The following SCEL variants were observed in gnomAD, a reference collection of about 807,000 sequenced individuals.
The protein encoded by SCEL is sciellin.
SCEL carries 113 observed loss-of-function variants against 117.6 expected under a neutral mutation model. The observed-to-expected ratio is 0.96, with a 90% CI of 0.83 to 1.12. SCEL has a LOEUF of 1.12. Ranked by LOEUF, SCEL falls within the 50% of genes most tolerant of loss-of-function variation. SCEL has a pLI of 0.00. For missense variants in SCEL, 785 were observed against 810.8 expected (o/e 0.97, Z 0.39); for synonymous variants, 270 against 256.2 (o/e 1.05, Z -0.51).
At chr13:77,587,880 G>A (rs2086651966) in intron 9 of SCEL, among the ~76,000 whole-genome samples, 1 of 151,988 alleles carries the variant, frequency 6.6e-6, no homozygotes, top group African/African-American at 2.4e-5. Flanking sequence ...CCAGTTTAAA[G>A]CATTAAATAC....
At chr13:77,616,455 G>T (rs907387771) in intron 24 of SCEL, among the ~76,000 whole-genome samples, 3 of 151,894 alleles carry the variant, frequency 2.0e-5, no homozygotes, top group Admixed American at 6.6e-5. Flanking sequence ...TTATGTTGTG[G>T]ATAGTTTTAA....
At chr13:77,609,242 C>T (rs2088461534) in intron 21 of SCEL, 125 bp downstream of exon 21, 6 of 733,968 alleles carry the variant, frequency 8.2e-6, no homozygotes, top group Non-Finnish European at 1.3e-5. Context: ...TGTAACCCTG[C>T]TACCTCACAT....
chr13:77,596,688 G>A (rs1471012599), intron 12 of SCEL, among the ~76,000 whole-genome samples: 6 of 145,364 alleles, frequency 4.1e-5, no homozygotes, highest in African/African-American at 1.5e-4. Flanking sequence ...GGTGGGGCAA[G>A]GTGTGTGTGT....
In SCEL at chr13:77,610,033, T is replaced by G. The variant is rs1467598938; in HGVS notation, c.1278-14T>G. 6.3e-7 allele frequency: 1 copy of G among 1,595,362 alleles called. No individual in the cohort carries two copies. Reference sequence around the variant, plus strand: ...TTTAAATCTACCACTGATCTGATTTTCTATGTTTTTAAGGGGCCAAAGTCT... The same window carrying G: ...TTTAAATCTACCACTGATCTGATTTGCTATGTTTTTAAGGGGCCAAAGTCT... On this transcript the variant is annotated splice_polypyrimidine_tract_variant and intron_variant, in intron 21 of 32. Transcript: ENST00000349847.
At chr13:77,583,504 A>G (rs920839650) in intron 9 of SCEL, among the ~76,000 whole-genome samples, 7 of 152,314 alleles carry the variant, frequency 4.6e-5, no homozygotes, top group African/African-American at 1.7e-4. Context: ...TACGGCTCAT[A>G]TACTGTTGTG....
intron 1 of SCEL, among the ~76,000 whole-genome samples, chr13:77,544,233 GTTAAT>G (rs2083876445): frequency 6.6e-6 from 1 of 152,072 alleles, no homozygotes; most frequent in African/African-American, 2.4e-5. Flanking sequence ...CCTTTATTGT[GTTAAT>G]TTACTTTCTG....
intron 3 of SCEL, among the ~76,000 whole-genome samples, chr13:77,557,367 A>G (rs2084723468): frequency 6.6e-6 from 1 of 152,206 alleles, no homozygotes; most frequent in African/African-American, 2.4e-5. Flanking sequence ...AGCAATAGGT[A>G]TTTGTCCGAT....
chr13:77,584,714 G>A (rs1295998290), intron 9 of SCEL, among the ~76,000 whole-genome samples: 1 of 151,998 alleles, frequency 6.6e-6, no homozygotes, highest in African/African-American at 2.4e-5. Context: ...CTAGTGTTCT[G>A]TACAGCCTCA....
intron 28 of SCEL, among the ~76,000 whole-genome samples, chr13:77,628,490 A>G (rs1054796571): frequency 6.6e-6 from 1 of 152,106 alleles, no homozygotes; most frequent in Non-Finnish European, 1.5e-5. Context: ...ATTTCTTTAC[A>G]CCATAGGGTA....
intron 28 of SCEL, among the ~76,000 whole-genome samples, chr13:77,630,122 T>C (rs1296173150): frequency 6.6e-6 from 1 of 152,146 alleles, no homozygotes; most frequent in Non-Finnish European, 1.5e-5. Context: ...TTCTAGTTTC[T>C]TTGGCTATCC....
intron 31 of SCEL, among the ~76,000 whole-genome samples, chr13:77,641,316 A>T (rs189531934): frequency 2.9e-4 from 44 of 152,310 alleles, no homozygotes; most frequent in Admixed American, 2.1e-3. Flanking sequence ...GTGCTTTCAT[A>T]GGACGTTTCT....
At chr13:77,588,659 T>C (rs2086697045) in intron 9 of SCEL, among the ~76,000 whole-genome samples, 1 of 152,184 alleles carries the variant, frequency 6.6e-6, no homozygotes, top group Non-Finnish European at 1.5e-5. Flanking sequence ...GCTGACAATA[T>C]TTAAGTCAGA....
chr13:77,599,458 G>A, intron 14 of SCEL, 70 bp downstream of exon 14: 1 of 1,293,478 alleles, frequency 7.7e-7, no homozygotes, highest in Non-Finnish European at 1.1e-6. Context: ...TCAGACATTA[G>A]CTGCAAGGGG....
At chr13:77,566,498 G>A (rs991195847) in intron 5 of SCEL, among the ~76,000 whole-genome samples, 2 of 152,028 alleles carry the variant, frequency 1.3e-5, no homozygotes, top group East Asian at 1.9e-4. Flanking sequence ...GACTCAAGAA[G>A]CAGATGAACA....
At chr13:77,600,820 A>G (rs1460295168) in intron 15 of SCEL, among the ~76,000 whole-genome samples, 3 of 152,324 alleles carry the variant, frequency 2.0e-5, no homozygotes, top group Admixed American at 2.0e-4. Context: ...TTGGTTAGTC[A>G]TGAAATTTGC....
rs577619943 is a variant in SCEL at position 77,587,377 on chromosome 13, A to AT, written c.546-1765dup. ...TCCTGCATCAATGATTCACTGGATCATTCCCATCATCATACCTACATGCTG... is the reference window on the plus strand; with the variant it reads ...TCCTGCATCAATGATTCACTGGATCATTTCCCATCATCATACCTACATGCTG... On this transcript the variant is annotated intron_variant, in intron 9 of 32. Transcript: ENST00000349847. 4.6e-5 allele frequency among the ~76,000 whole-genome samples: 7 copies of AT among 152,112 alleles called. No individual in the cohort carries two copies. In the South Asian group the frequency reaches 6.2e-4, roughly 14 times the overall value.
chr13:77,563,870 T>G lies in SCEL; in HGVS notation c.261T>G (p.Ser87Arg). 6.2e-7 allele frequency: 1 copy of G among 1,601,970 alleles called. No homozygotes were observed. Among genetic ancestry groups the G allele is most frequent in the South Asian group, 1.1e-5 (1 of 87,658 alleles). Reference protein sequence around the residue: ...NERDVPKATISRYSSDDTLDR... With the variant: ...NERDVPKATIRRYSSDDTLDR... ...GAGATGTGCCAAAAGCTACAATTAGTCGGTACAGTTCTGATGACACTTTGG... is the reference window on the plus strand; with the variant it reads ...GAGATGTGCCAAAAGCTACAATTAGGCGGTACAGTTCTGATGACACTTTGG... Residue 87 changes from serine to arginine, a missense_variant, in exon 5 of 33, where the codon AGT becomes AGG. Coordinates refer to ENST00000349847, the MANE Select transcript of SCEL (RefSeq NM_144777.3).
chr13:77,550,396 A>G (rs201064076), intron 1 of SCEL, among the ~76,000 whole-genome samples: 26,207 of 145,654 alleles, frequency 0.18, 2,639 homozygotes, highest in East Asian at 0.29. Context: ...AAATATATAT[A>G]TATATATATA....
rs374537294 is a variant in SCEL, at chr13:77,593,300, G to GCGCGTC, written c.693-214_693-213insCGCGTC. Among the ~76,000 whole-genome samples, 230 of 145,212 alleles carry GCGCGTC rather than the reference G, an allele frequency of 1.6e-3. 2 individuals carry two copies. Among genetic ancestry groups the GCGCGTC allele is most frequent in the African/African-American group, 5.5e-3 (216 of 39,126 alleles). On this transcript the variant is annotated intron_variant, in intron 11 of 32. Transcript: ENST00000349847. ...TGTGTGTGTGTGTGTGTGTGTGTCT[G>GCGCGTC]TGTGTGTGTGTGTGTGTGTCAGTGG...
Sources: gnomAD v4.1 joint callset for allele counts (sites outside exome capture counted in the v4.1 genomes callset) on GRCh38, gnomAD v4.1.1 for gene constraint, MANE v1.5 for transcripts, NCBI Gene and HGNC (gene_info 2026-07-23, HGNC 2026-07-21) for gene names.